Variants in TAF4B observed in about 807,000 individuals in gnomAD.
The protein encoded by TAF4B is transcription initiation factor TFIID subunit 4B.
A neutral mutation model predicts 86.4 loss-of-function variants in TAF4B; 38 were observed. The observed-to-expected ratio is 0.44, with a 90% confidence interval of 0.34 to 0.58. The LOEUF (loss-of-function observed/expected upper bound fraction) is 0.58. Among genes scored for constraint, TAF4B ranks in the 20% least tolerant of loss-of-function variants. The pLI is 0.02. For missense variants in TAF4B, 988 were observed against 1,027.6 expected, an observed-to-expected ratio of 0.96 and a Z score of 0.53; for synonymous variants, 388 against 391.2, an observed-to-expected ratio of 0.99 and a Z score of 0.10.
intron 9 of TAF4B, among the ~76,000 whole-genome samples, chr18:26,314,489 A>G (rs1179648832): frequency 6.6e-6 from 1 of 152,200 alleles, no homozygotes; most frequent in Non-Finnish European, 1.5e-5. Context: ...GTGTGTGTGT[A>G]TATGTACATG....
intron 13 of TAF4B, among the ~76,000 whole-genome samples, chr18:26,355,762 G>T (rs2057284142): frequency 6.6e-6 from 1 of 152,150 alleles, no homozygotes; most frequent in African/African-American, 2.4e-5. Flanking sequence ...ATAGCTTGTT[G>T]TTTGATTTGT....
chr18:26,385,679 G>GTTTTTTTTT (rs34188640), intron 14 of TAF4B, among the ~76,000 whole-genome samples: 3 of 109,786 alleles, frequency 2.7e-5, no homozygotes, highest in African/African-American at 2.8e-5. Flanking sequence ...AATAAACAGC[G>GTTTTTTTTT]TTTTTTTTTT....
intron 12 of TAF4B, among the ~76,000 whole-genome samples, chr18:26,332,908 CCTTTCT>C (rs1306904751): frequency 1.3e-5 from 2 of 152,022 alleles, no homozygotes; most frequent in Non-Finnish European, 2.9e-5. Flanking sequence ...TGATCTCCAG[CCTTTCT>C]CTTTCACCTT....
intron 11 of TAF4B, among the ~76,000 whole-genome samples, chr18:26,323,747 A>G (rs1464978738): frequency 1.3e-5 from 2 of 152,106 alleles, no homozygotes; most frequent in Non-Finnish European, 2.9e-5. Context: ...ACTGTCTGAT[A>G]TTACTTTCTT....
intron 9 of TAF4B, among the ~76,000 whole-genome samples, chr18:26,306,038 T>C (rs1353212549): frequency 1.3e-5 from 2 of 152,258 alleles, no homozygotes; most frequent in Admixed American, 1.3e-4. Flanking sequence ...TTATCTCTCA[T>C]ATTCAGAAAA....
At chr18:26,264,221 C>T (rs927814486) in intron 1 of TAF4B, among the ~76,000 whole-genome samples, 4 of 152,118 alleles carry the variant, frequency 2.6e-5, no homozygotes, top group African/African-American at 9.7e-5. Context: ...GGAGGATCAC[C>T]TGGGATCAGG....
chr18:26,311,991 A>T (rs2056858268), intron 9 of TAF4B, among the ~76,000 whole-genome samples: 1 of 152,180 alleles, frequency 6.6e-6, no homozygotes, highest in East Asian at 1.9e-4. Flanking sequence ...AATTAGTGAT[A>T]TTTTTGTAAT....
chr18:26,316,831 A>AT (rs1227340751), intron 10 of TAF4B, among the ~76,000 whole-genome samples: 1 of 151,456 alleles, frequency 6.6e-6, no homozygotes, highest in African/African-American at 2.4e-5. Context: ...TGCTTCTTCC[A>AT]TTTTCTTTTT....
intron 1 of TAF4B, among the ~76,000 whole-genome samples, chr18:26,261,058 T>C (rs2056157888): frequency 6.6e-6 from 1 of 152,184 alleles, no homozygotes; most frequent in Non-Finnish European, 1.5e-5. Flanking sequence ...GTTACTGTTT[T>C]TTGATTTTTA....
intron 12 of TAF4B, among the ~76,000 whole-genome samples, chr18:26,332,963 T>G (rs2057063119): frequency 6.6e-6 from 1 of 151,986 alleles, no homozygotes; most frequent in Non-Finnish European, 1.5e-5. Flanking sequence ...CGTTCTTTCC[T>G]CGAGTATATT....
Position 26,285,880 on chromosome 18 carries a change from AGAAAAGCGTGGTTGCCTTAC to A in TAF4B, c.974_993del (p.Lys325ThrfsTer5). On this transcript the variant is annotated splice_acceptor_variant and coding_sequence_variant, in exon 7 of 15. Coordinates refer to ENST00000269142, the MANE Select transcript of TAF4B (RefSeq NM_005640.3). LOFTEE classifies it high-confidence loss of function. ...TTTTTTTCCATTCCTCTGCATTTCCAGAAAAGCGTGGTTGCCTTACGACAACTTCTGCCTAACTCCCAGAG... is the reference window on the plus strand; with the variant it reads ...TTTTTTTCCATTCCTCTGCATTTCCAGACAACTTCTGCCTAACTCCCAGAG... 1 of 1,598,320 alleles carries A rather than the reference AGAAAAGCGTGGTTGCCTTAC, an allele frequency of 6.3e-7. No homozygotes were observed. Among genetic ancestry groups the A allele is most frequent in the Non-Finnish European group, 8.5e-7 (1 of 1,171,220 alleles).
chr18:26,247,437 C>T (rs763892556), intron 1 of TAF4B, among the ~76,000 whole-genome samples: 1 of 152,108 alleles, frequency 6.6e-6, no homozygotes, highest in Non-Finnish European at 1.5e-5. Context: ...AAGTATGGGT[C>T]TTTAAGTTAT....
chr18:26,257,457 A>G (rs2056100791), intron 1 of TAF4B, among the ~76,000 whole-genome samples: 1 of 152,086 alleles, frequency 6.6e-6, no homozygotes, highest in South Asian at 2.1e-4. Flanking sequence ...TCTTGTAAGG[A>G]GCATATAGTT....
intron 13 of TAF4B, among the ~76,000 whole-genome samples, chr18:26,337,232 A>G (rs190439916): frequency 3.3e-4 from 51 of 152,306 alleles, no homozygotes; most frequent in African/African-American, 1.2e-3. Flanking sequence ...TTCCAAGAAC[A>G]GAGCCACTCT....
At chr18:26,323,818 GT>G (rs1483418998) in intron 11 of TAF4B, among the ~76,000 whole-genome samples, 1 of 152,092 alleles carries the variant, frequency 6.6e-6, no homozygotes, top group Non-Finnish European at 1.5e-5. Context: ...TATTGGTATG[GT>G]TTCAACTAAA....
chr18:26,336,663 T>A (rs1267621307), intron 13 of TAF4B, among the ~76,000 whole-genome samples: 3 of 152,310 alleles, frequency 2.0e-5, no homozygotes, highest in Non-Finnish European at 4.4e-5. Flanking sequence ...TACCTATAAT[T>A]CTCTTTAAGC....
chr18:26,271,881 C>T (rs1004202291), intron 3 of TAF4B, among the ~76,000 whole-genome samples: 4 of 148,274 alleles, frequency 2.7e-5, no homozygotes, highest in South Asian at 2.2e-4. Context: ...GAGCCGAGAT[C>T]GCACCACTGC....
In TAF4B at chr18:26,346,877, G is replaced by GTATA. The variant is rs1220239621; in HGVS notation, c.2317-10793_2317-10790dup. ...TATATATGTGTATATATATATATGT[G>GTATA]TATATATATATATATATATATATGT... is the stretch of plus-strand genomic sequence containing the variant. On this transcript the variant is annotated intron_variant, in intron 13 of 14. Transcript: ENST00000269142. Among the ~76,000 whole-genome samples the GTATA allele has an allele frequency of 2.1e-3, 14 of 6,610 alleles. 2 individuals are homozygous for GTATA. The highest frequency in any genetic ancestry group is 4.4e-3 in the African/African-American group (14 of 3,150). 4.3% of individuals were successfully genotyped at this position (6,610 alleles called of 152,430 possible). A position where few individuals can be genotyped will look rare whatever the true frequency, so the allele number is the denominator to read the frequency against.
chr18:26,292,852 T>G (rs1481505437), intron 8 of TAF4B, among the ~76,000 whole-genome samples: 1 of 152,146 alleles, frequency 6.6e-6, no homozygotes, highest in Non-Finnish European at 1.5e-5. Context: ...TTTACATACA[T>G]AGAAACTTTT....
Sources: allele counts gnomAD v4.1 joint callset (sites outside exome capture counted in the v4.1 genomes callset), GRCh38; gene constraint gnomAD v4.1.1; transcripts MANE v1.5; gene names NCBI Gene and HGNC (gene_info 2026-07-23, HGNC 2026-07-21).